NCAPG2: variants seen among roughly 807,000 people sequenced by gnomAD.
NCAPG2 encodes the protein condensin-2 complex subunit G2.
A neutral mutation model predicts 141.1 loss-of-function variants in NCAPG2; 53 were observed. The observed-to-expected ratio is 0.38, with a 90% CI of 0.30 to 0.47. The LOEUF (loss-of-function observed/expected upper bound fraction) is 0.47. Ranked by LOEUF, NCAPG2 falls within the 20% of genes least tolerant of loss-of-function variation. The pLI is 0.99. For missense variants in NCAPG2, 1,087 were observed against 1,389.0 expected (o/e 0.78, Z 3.46); for synonymous variants, 499 against 490.7 (o/e 1.02, Z -0.22).
At chr7:158,694,626 C>A (rs972628722) in intron 2 of NCAPG2, among the ~76,000 whole-genome samples, 2 of 152,166 alleles carry the variant, frequency 1.3e-5, no homozygotes, top group African/African-American at 4.8e-5. Context: ...GAAGGCTATA[C>A]CACAAAAGAG....
In NCAPG2 at chr7:158,684,244, T is replaced by C. The variant is rs147184444; in HGVS notation, c.838-858A>G. Among the ~76,000 whole-genome samples, 910 of 152,336 alleles carry C rather than the reference T, an allele frequency of 6.0e-3. 11 individuals are homozygous for C. Among genetic ancestry groups the C allele is most frequent in the Non-Finnish European group, 7.5e-3 (509 of 68,030 alleles). On this transcript the variant is annotated intron_variant, in intron 8 of 27. Coordinates refer to ENST00000356309, the MANE Select transcript of NCAPG2 (RefSeq NM_017760.7). ...ACTACCTGGGAAGTTATTTGTACCA[T>C]AAAAGTTGAATCCAAACCTTTAGAG...
chr7:158,659,641 G>C (rs1163706318), intron 16 of NCAPG2, among the ~76,000 whole-genome samples: 2 of 152,098 alleles, frequency 1.3e-5, no homozygotes, highest in Admixed American at 1.3e-4. Flanking sequence ...CACTCAATAA[G>C]AGATATTCTT....
intron 11 of NCAPG2, among the ~76,000 whole-genome samples, chr7:158,676,641 G>A (rs776325302): frequency 3.3e-5 from 5 of 152,176 alleles, no homozygotes; most frequent in Admixed American, 2.0e-4. Flanking sequence ...AAATCAGATT[G>A]GGATTAGTCA....
intron 27 of NCAPG2, among the ~76,000 whole-genome samples, chr7:158,636,982 C>G (rs962413342): frequency 2.0e-5 from 3 of 151,732 alleles, no homozygotes; most frequent in African/African-American, 4.8e-5. Context: ...GAGCCCTGCT[C>G]TGTCACCCAG....
chr7:158,683,170 A>G (rs2129467926), intron 9 of NCAPG2, 130 bp downstream of exon 9: 1 of 711,888 alleles, frequency 1.4e-6, no homozygotes. Context: ...CAGACATCAA[A>G]TATCAAGGTT....
At chr7:158,704,239 AG>A (rs1836010245) in intron 1 of NCAPG2, among the ~76,000 whole-genome samples, 1 of 109,944 alleles carries the variant, frequency 9.1e-6, no homozygotes, top group Non-Finnish European at 1.8e-5. Flanking sequence ...CCCAGGACTG[AG>A]GGGACGCTCT....
At chr7:158,684,307 G>T (rs1834624224) in intron 8 of NCAPG2, among the ~76,000 whole-genome samples, 2 of 152,158 alleles carry the variant, frequency 1.3e-5, no homozygotes, top group South Asian at 4.1e-4. Flanking sequence ...AGGACAACTG[G>T]TCCAGTTTCC....
intron 17 of NCAPG2, among the ~76,000 whole-genome samples, 183 bp from the exon 18 acceptor site, chr7:158,656,888 C>T (rs1270055177): frequency 6.6e-6 from 1 of 152,192 alleles, no homozygotes; most frequent in Non-Finnish European, 1.5e-5. Context: ...TGCTCAGCTG[C>T]ATCCCACCAC....
At chr7:158,677,214 C>T (rs1341461143) in intron 11 of NCAPG2, among the ~76,000 whole-genome samples, 1 of 152,118 alleles carries the variant, frequency 6.6e-6, no homozygotes, top group Non-Finnish European at 1.5e-5. Flanking sequence ...AAAGAGCCAG[C>T]AATAACTCTA....
At chr7:158,672,325 TATA>T (rs1300793783) in intron 12 of NCAPG2, among the ~76,000 whole-genome samples, 7 of 64,918 alleles carry the variant, frequency 1.1e-4, no homozygotes, top group Non-Finnish European at 1.5e-4. Context: ...TATATATATA[TATA>T]TTTTTTTTTT....
chr7:158,650,756 G>A, intron 24 of NCAPG2, 76 bp downstream of exon 24: 1 of 1,480,072 alleles, frequency 6.8e-7, no homozygotes, highest in Non-Finnish European at 9.0e-7. Flanking sequence ...GAAACGTAGA[G>A]AATGTACTGC....
At chr7:158,657,958 G>GC (rs1832133746) in intron 17 of NCAPG2, among the ~76,000 whole-genome samples, 1 of 151,810 alleles carries the variant, frequency 6.6e-6, no homozygotes, top group Non-Finnish European at 1.5e-5. Flanking sequence ...AAGGCAGCAT[G>GC]CTCGTTAAGA....
In NCAPG2 at chr7:158,644,277, T is replaced by C; in HGVS notation, c.3380+12A>G. ...TTTAGATGATCACATCTGGTGAATATCTCTCCTTTACCTTTCAATGCTATC... is the reference window on the plus strand; with the variant it reads ...TTTAGATGATCACATCTGGTGAATACCTCTCCTTTACCTTTCAATGCTATC... On this transcript the variant is annotated intron_variant, in intron 27 of 27. Coordinates refer to ENST00000356309, the MANE Select transcript of NCAPG2 (RefSeq NM_017760.7). The C allele has an allele frequency of 6.3e-7, 1 of 1,584,418 alleles. No homozygotes were observed. The highest frequency in any genetic ancestry group is 8.7e-7 in the Non-Finnish European group (1 of 1,153,166).
At chr7:158,648,822 C>CCACGCCAAATGGACTACAAT (rs1831250218) in intron 24 of NCAPG2, among the ~76,000 whole-genome samples, 1 of 150,590 alleles carries the variant, frequency 6.6e-6, no homozygotes, top group Non-Finnish European at 1.5e-5. Context: ...TGGACCACAA[C>CCACGCCAAATGGACTACAAT]CACGCCAAAT....
chr7:158,695,593 C>T (rs1235552360), intron 2 of NCAPG2, among the ~76,000 whole-genome samples: 1 of 152,358 alleles, frequency 6.6e-6, no homozygotes, highest in Non-Finnish European at 1.5e-5. Context: ...GCCTAGGGCA[C>T]TGAAGAGCTG....
chr7:158,658,259 G>C, intron 17 of NCAPG2, 79 bp downstream of exon 17: 1 of 1,344,174 alleles, frequency 7.4e-7, no homozygotes, highest in Admixed American at 2.4e-5. Flanking sequence ...GTTATGGTCT[G>C]CTGACATGAA....
intron 16 of NCAPG2, among the ~76,000 whole-genome samples, chr7:158,660,981 C>A (rs975378661): frequency 2.0e-5 from 3 of 152,212 alleles, no homozygotes; most frequent in African/African-American, 7.2e-5. Context: ...TGCCTTCCGT[C>A]ATGACTGTGA....
chr7:158,632,767 GCTT>G (rs1258201404), intron 27 of NCAPG2, among the ~76,000 whole-genome samples: 1 of 152,126 alleles, frequency 6.6e-6, no homozygotes, highest in Non-Finnish European at 1.5e-5. Flanking sequence ...TCAAGACCTT[GCTT>G]CTTTTTATTT....
intron 27 of NCAPG2, among the ~76,000 whole-genome samples, chr7:158,634,851 A>G (rs1259575131): frequency 6.6e-6 from 1 of 152,264 alleles, no homozygotes; most frequent in Admixed American, 6.5e-5. Context: ...ACAAATGAAG[A>G]AAACAAAATG....
Sources: allele counts gnomAD v4.1 joint callset (sites outside exome capture counted in the v4.1 genomes callset), GRCh38; gene constraint gnomAD v4.1.1; transcripts MANE v1.5; gene names NCBI Gene and HGNC (gene_info 2026-07-23, HGNC 2026-07-21).